The following BACH2 variants were observed in gnomAD, a reference collection of about 807,000 sequenced individuals.
BACH2 encodes the protein transcription regulator protein BACH2.
A neutral mutation model predicts 61.8 loss-of-function variants in BACH2; 5 were observed. The observed-to-expected ratio is 0.08, with a 90% CI of 0.04 to 0.17. BACH2 has a LOEUF of 0.17. Among genes scored for constraint, BACH2 ranks in the 10% least tolerant of loss-of-function variants. BACH2 has a pLI of 1.00. For missense variants in BACH2, 824 were observed against 1,091.1 expected, an observed-to-expected ratio of 0.76 and a Z score of 3.45; for synonymous variants, 446 against 440.1, an observed-to-expected ratio of 1.01 and a Z score of -0.17.
At chr6:90,026,912 C>T (rs1299448929) in intron 5 of BACH2, among the ~76,000 whole-genome samples, 1 of 152,088 alleles carries the variant, frequency 6.6e-6, no homozygotes, top group East Asian at 1.9e-4. Flanking sequence ...CAAGTTGGTT[C>T]ACCCGGTAAC....
chr6:90,259,303 C>A (rs1771083579), intron 2 of BACH2, among the ~76,000 whole-genome samples: 1 of 152,150 alleles, frequency 6.6e-6, no homozygotes, highest in African/African-American at 2.4e-5. Flanking sequence ...TTGTCAAATG[C>A]TTTTTCTGTG....
At chr6:89,972,365 G>C (rs1775414096) in intron 6 of BACH2, among the ~76,000 whole-genome samples, 1 of 152,166 alleles carries the variant, frequency 6.6e-6, no homozygotes, top group African/African-American at 2.4e-5. Context: ...AATATAGACA[G>C]ATGAGAGAGG....
chr6:90,228,698 C>T (rs186044575), intron 3 of BACH2, among the ~76,000 whole-genome samples: 1 of 152,284 alleles, frequency 6.6e-6, no homozygotes, highest in African/African-American at 2.4e-5. Context: ...GAGATGGCAC[C>T]ACTGCACTCC....
intron 4 of BACH2, among the ~76,000 whole-genome samples, chr6:90,161,935 AT>A (rs1238846926): frequency 6.6e-6 from 1 of 152,200 alleles, no homozygotes; most frequent in Non-Finnish European, 1.5e-5. Context: ...CGATGAATTT[AT>A]TTGGATTTCA....
chr6:90,180,388 T>C (rs1236900207), intron 4 of BACH2, among the ~76,000 whole-genome samples: 2 of 152,192 alleles, frequency 1.3e-5, no homozygotes, highest in Non-Finnish European at 2.9e-5. Context: ...TTAAAAATGT[T>C]ATTTCAATAG....
chr6:90,296,424 C>T (rs1772392977), intron 1 of BACH2, 56 bp downstream of exon 1: 4 of 150,508 alleles, frequency 2.7e-5, no homozygotes, highest in South Asian at 4.2e-4. Flanking sequence ...CCCCCGCAAA[C>T]TTGCCCCGCC....
intron 6 of BACH2, among the ~76,000 whole-genome samples, chr6:89,982,199 C>G (rs954711090): frequency 6.6e-6 from 1 of 152,136 alleles, no homozygotes; most frequent in African/African-American, 2.4e-5. Flanking sequence ...TCAGGGAGGT[C>G]AGCTCATAGA....
At chr6:90,254,096 C>T (rs1221354430) in intron 2 of BACH2, among the ~76,000 whole-genome samples, 1 of 151,464 alleles carries the variant, frequency 6.6e-6, no homozygotes, top group African/African-American at 2.4e-5. Flanking sequence ...TGAGAACTGA[C>T]ATAAAAGAAT....
chr6:90,199,884 G>C (rs1379351222), intron 4 of BACH2, among the ~76,000 whole-genome samples: 1 of 152,196 alleles, frequency 6.6e-6, no homozygotes, highest in African/African-American at 2.4e-5. Flanking sequence ...AGGACTGAGG[G>C]TCCAGATTCT....
Position 89,931,398 on chromosome 6 carries a change from A to T in BACH2, c.*1010T>A, listed in dbSNP as rs1311285852. On this transcript the variant is annotated 3_prime_UTR_variant, in exon 9 of 9. Transcript: ENST00000257749. ...TAGGATGAATTCATTATTTGGCAAG[A>T]TTGTTTTTCCTACATAATTATCACC... The T allele has an allele frequency of 6.5e-6, 1 of 152,784 alleles. No homozygotes were observed. The highest frequency in any genetic ancestry group is 1.5e-5 in the Non-Finnish European group (1 of 68,052). 9.5% of individuals were successfully genotyped at this position (152,784 alleles called of 1,614,324 possible).
chr6:90,005,653 G>C (rs1323797086), intron 6 of BACH2, among the ~76,000 whole-genome samples: 1 of 152,316 alleles, frequency 6.6e-6, no homozygotes, highest in South Asian at 2.1e-4. Flanking sequence ...CCTGAGCAGA[G>C]GGGGAGGGCT....
At chr6:90,067,672 G>C (rs1781028886) in intron 5 of BACH2, among the ~76,000 whole-genome samples, 1 of 152,182 alleles carries the variant, frequency 6.6e-6, no homozygotes, top group Non-Finnish European at 1.5e-5. Flanking sequence ...CTGACTGGTT[G>C]ACTCATTGGT....
intron 4 of BACH2, among the ~76,000 whole-genome samples, chr6:90,157,853 C>T (rs1457999550): frequency 2.0e-5 from 3 of 152,128 alleles, no homozygotes; most frequent in African/African-American, 7.2e-5. Flanking sequence ...CACTCCTGTA[C>T]TGATCACTAG....
intron 4 of BACH2, among the ~76,000 whole-genome samples, chr6:90,196,573 AAATTG>A (rs1562498670): frequency 8.5e-5 from 13 of 152,224 alleles, no homozygotes; most frequent in African/African-American, 2.9e-4. Context: ...CTGTCACAGC[AAATTG>A]TTTATGGGTT....
At position 90,234,233 on chromosome 6, in the gene BACH2, A is replaced by G. The variant is rs142859267; in HGVS notation, c.-275+18280T>C. Among the ~76,000 whole-genome samples the G allele has an allele frequency of 4.5e-3, 684 of 152,344 alleles. 7 individuals carry two copies. The highest frequency in any genetic ancestry group is 0.033 in the South Asian group (158 of 4,828). Reference sequence around the variant, plus strand: ...AGCACAGGTAAAAACTAAACACATCAAGGATCAGCGCTTCAGTCGGTGGTG... The same window carrying G: ...AGCACAGGTAAAAACTAAACACATCGAGGATCAGCGCTTCAGTCGGTGGTG... On this transcript the variant is annotated intron_variant, in intron 3 of 8. Coordinates refer to ENST00000257749, the MANE Select transcript of BACH2 (RefSeq NM_021813.4).
intron 5 of BACH2, among the ~76,000 whole-genome samples, chr6:90,037,983 AG>A (rs1050004312): frequency 1.3e-5 from 2 of 152,214 alleles, no homozygotes; most frequent in Non-Finnish European, 2.9e-5. Flanking sequence ...GGAAGAAGGA[AG>A]GAAGAGTTCT....
chr6:90,216,534 C>T (rs1483915138), intron 3 of BACH2, among the ~76,000 whole-genome samples: 1 of 152,204 alleles, frequency 6.6e-6, no homozygotes, highest in East Asian at 1.9e-4. Flanking sequence ...GGGGATCCAC[C>T]TGCTAAGGTC....
At chr6:90,115,639 G>C (rs1438852622) in intron 4 of BACH2, among the ~76,000 whole-genome samples, 1 of 152,034 alleles carries the variant, frequency 6.6e-6, no homozygotes, top group South Asian at 2.1e-4. Flanking sequence ...GACACCAAGA[G>C]CAATTGCAAC....
At chr6:90,233,130 A>C (rs1452035635) in intron 3 of BACH2, among the ~76,000 whole-genome samples, 1 of 152,202 alleles carries the variant, frequency 6.6e-6, no homozygotes, top group Non-Finnish European at 1.5e-5. Flanking sequence ...CACATTTGGA[A>C]TTGATAAGCT....
Sources: gnomAD v4.1 joint callset for allele counts (sites outside exome capture counted in the v4.1 genomes callset) on GRCh38, gnomAD v4.1.1 for gene constraint, MANE v1.5 for transcripts, NCBI Gene and HGNC (gene_info 2026-07-23, HGNC 2026-07-21) for gene names.